Variants in NME7 observed in about 807,000 individuals in gnomAD.
The protein encoded by NME7 is NME/NM23 family member 7.
A neutral mutation model predicts 49.1 loss-of-function variants in NME7; 41 were observed. The ratio of observed to expected loss-of-function variants is 0.83; its 90% confidence interval spans 0.65 to 1.08. The LOEUF is 1.08. NME7 is among the 50% of genes least tolerant of loss of function. The pLI, the probability that NME7 is intolerant of heterozygous loss-of-function variation, is 0.00. For synonymous variants in NME7, 139 were observed against 150.6 expected, an observed-to-expected ratio of 0.92 and a Z score of 0.56; for missense variants, 423 against 463.4, an observed-to-expected ratio of 0.91 and a Z score of 0.80.
At position 169,163,590 on chromosome 1, in the gene NME7, T is replaced by C. The variant is rs76751376; in HGVS notation, c.1098+5857A>G. On this transcript the variant is annotated intron_variant, in intron 11 of 11. Transcript: ENST00000367811. ...AACCTTATTGAGACAATTGGTGAAA[T>C]CTGAGTGGAGTCTAAGGATTAGATG... is the stretch of plus-strand genomic sequence containing the variant. Among the ~76,000 whole-genome samples, 1,033 of 152,172 alleles carry C rather than the reference T, an allele frequency of 6.8e-3. 15 individuals are homozygous for C. Among genetic ancestry groups the C allele is most frequent in the African/African-American group, 0.023 (972 of 41,514 alleles).
intron 10 of NME7, 148 bp downstream of exon 10, chr1:169,230,570 T>C (rs1571309568): frequency 2.2e-6 from 1 of 446,292 alleles, no homozygotes; most frequent in East Asian, 3.5e-5. Context: ...TAAAAATAAA[T>C]TTTATGAAGT....
intron 3 of NME7, among the ~76,000 whole-genome samples, chr1:169,312,930 C>A (rs1651455988): frequency 6.6e-6 from 1 of 152,044 alleles, no homozygotes; most frequent in African/African-American, 2.4e-5. Context: ...TAAAAGTAAA[C>A]CTATTCTAAA....
chr1:169,353,749 A>G (rs1234702845), intron 1 of NME7, among the ~76,000 whole-genome samples: 4 of 152,148 alleles, frequency 2.6e-5, no homozygotes, highest in Non-Finnish European at 4.4e-5. Context: ...AAAAATCTCA[A>G]TATACGTTTC....
chr1:169,233,602 C>A (rs1157546226), intron 9 of NME7, among the ~76,000 whole-genome samples: 4 of 152,114 alleles, frequency 2.6e-5, no homozygotes, highest in Non-Finnish European at 5.9e-5. Context: ...CTAATACAAA[C>A]TACAGAAGCT....
chr1:169,340,777 C>G (rs35406371), intron 1 of NME7, among the ~76,000 whole-genome samples: 11,298 of 152,270 alleles, frequency 0.074, 1,534 homozygotes, highest in East Asian at 0.67. Context: ...GGCATTTTGC[C>G]TCTGCCTTAG....
chr1:169,335,936 T>G (rs979543730), intron 1 of NME7, among the ~76,000 whole-genome samples: 2 of 151,814 alleles, frequency 1.3e-5, no homozygotes, highest in African/African-American at 4.8e-5. Flanking sequence ...GAGAACATAG[T>G]GTGTCCGGAA....
intron 11 of NME7, among the ~76,000 whole-genome samples, chr1:169,135,014 C>CAACAAA (rs1658384590): frequency 2.0e-5 from 1 of 50,388 alleles, no homozygotes; most frequent in Non-Finnish European, 3.7e-5. Context: ...CCCGTCTCTA[C>CAACAAA]AAAAAAAAAA....
chr1:169,203,012 AAAG>A, intron 10 of NME7, among the ~76,000 whole-genome samples: 1 of 152,204 alleles, frequency 6.6e-6, no homozygotes, highest in Admixed American at 6.5e-5. Flanking sequence ...CTTTCAAACA[AAAG>A]AACAGCCTGC....
At chr1:169,137,580 G>A (rs147588327) in intron 11 of NME7, among the ~76,000 whole-genome samples, 2 of 152,330 alleles carry the variant, frequency 1.3e-5, no homozygotes, top group African/African-American at 2.4e-5. Context: ...GTGAGGAGGG[G>A]AGGGCTTATG....
chr1:169,155,129 A>G lies in NME7; in HGVS notation c.1098+14318T>C, dbSNP rs16861955. Among the ~76,000 whole-genome samples, 654 of 152,166 alleles carry G rather than the reference A, an allele frequency of 4.3e-3. 7 individuals are homozygous for G. The highest frequency in any genetic ancestry group is 0.015 in the African/African-American group (624 of 41,512). ...TTTCTTTAACATAGATAAAATCACC[A>G]CTCGCAGGACTCAACTAGTTTACAT... On this transcript the variant is annotated intron_variant, in intron 11 of 11. Transcript: ENST00000367811.
At chr1:169,356,767 C>T (rs895645962) in intron 1 of NME7, among the ~76,000 whole-genome samples, 6 of 152,230 alleles carry the variant, frequency 3.9e-5, no homozygotes, top group Middle Eastern at 3.4e-3. Context: ...ACCACAATGA[C>T]GGAGTTTCCT....
intron 7 of NME7, among the ~76,000 whole-genome samples, chr1:169,239,256 C>A (rs942549321): frequency 1.3e-5 from 2 of 151,780 alleles, no homozygotes; most frequent in African/African-American, 4.8e-5. Flanking sequence ...AAAAAATAGG[C>A]CATGATATAT....
At chr1:169,154,031 T>C (rs1197670684) in intron 11 of NME7, among the ~76,000 whole-genome samples, 3 of 151,966 alleles carry the variant, frequency 2.0e-5, no homozygotes, top group Admixed American at 6.6e-5. Flanking sequence ...ATTTTATTTT[T>C]TGAAACAGAA....
At chr1:169,352,298 C>T (rs1653205084) in intron 1 of NME7, among the ~76,000 whole-genome samples, 1 of 152,030 alleles carries the variant, frequency 6.6e-6, no homozygotes. Flanking sequence ...CAATGTGATA[C>T]ATCATATCAA....
chr1:169,240,414 T>C (rs2101832126), intron 7 of NME7, among the ~76,000 whole-genome samples: 1 of 152,158 alleles, frequency 6.6e-6, no homozygotes, highest in Middle Eastern at 3.4e-3. Context: ...ATATGTTGTT[T>C]TGGTTGGAGT....
Position 169,132,797 on chromosome 1 carries a change from G to A in NME7, c.1119C>T (p.Ile373=), listed in dbSNP as rs1330959406. Residue 373 remains isoleucine, a synonymous_variant, in exon 12 of 12, where the codon ATC becomes ATT. Transcript: ENST00000367811. The part of the protein sequence containing the change: ...GLLEVQYFFK[I]LDN The stretch of plus-strand genomic sequence containing the variant: ...ACTTTCCACACCACTAATTATCCAA[G>A]ATCTTGAAGAAGTATTGAACCTGAA... 2.5e-6 allele frequency: 4 copies of A among 1,613,146 alleles called. No individual in the cohort carries two copies. The South Asian group carries it at 4.4e-5, about 18-fold the overall frequency.
intron 1 of NME7, among the ~76,000 whole-genome samples, chr1:169,345,170 G>A (rs1652911081): frequency 6.6e-6 from 1 of 152,064 alleles, no homozygotes; most frequent in Non-Finnish European, 1.5e-5. Flanking sequence ...AGGGATAGGA[G>A]CGATGTCTCC....
At chr1:169,149,724 C>G (rs1658856721) in intron 11 of NME7, among the ~76,000 whole-genome samples, 1 of 152,112 alleles carries the variant, frequency 6.6e-6, no homozygotes, top group Middle Eastern at 3.2e-3. Context: ...GATGAAGGGT[C>G]AAAGCAGAAC....
intron 6 of NME7, among the ~76,000 whole-genome samples, chr1:169,288,116 G>A (rs1053462716): frequency 1.3e-5 from 2 of 152,124 alleles, no homozygotes; most frequent in Non-Finnish European, 2.9e-5. Flanking sequence ...TTACCAATGT[G>A]TAAAGAGCCA....
Sources: gnomAD v4.1 joint callset for allele counts (sites outside exome capture counted in the v4.1 genomes callset) on GRCh38, gnomAD v4.1.1 for gene constraint, MANE v1.5 for transcripts, NCBI Gene and HGNC (gene_info 2026-07-23, HGNC 2026-07-21) for gene names.